The following ATXN2 variants were observed in gnomAD, a reference collection of about 807,000 sequenced individuals.
ATXN2 encodes the protein ataxin 2, also known as ataxin-2.
A neutral mutation model predicts 138.6 loss-of-function variants in ATXN2; 37 were observed. The observed-to-expected ratio is 0.27, with a 90% CI of 0.21 to 0.35. The LOEUF (loss-of-function observed/expected upper bound fraction) is 0.35. ATXN2 is among the 10% of genes least tolerant of loss of function. The probability of loss-of-function intolerance (pLI) is 1.00; values close to 1 mark genes in which losing one functional copy is unlikely to be tolerated. For missense variants in ATXN2, 1,216 were observed against 1,480.3 expected (o/e 0.82, Z 2.93); for synonymous variants, 549 against 543.7 (o/e 1.01, Z -0.13).
Position 111,599,029 on chromosome 12 carries a change from C to T in ATXN2, c.6G>A (p.Ser2=). Residue 2 remains serine (S), a synonymous_variant, in exon 1 of 25, where the codon TCG becomes TCA. Transcript: ENST00000673436. Reference sequence around the variant, plus strand: ...GCTGCTGCTGCTGCTGGGGCTTCAGCGACATGGTGAGGGGCCCATACACCG... The same window carrying T: ...GCTGCTGCTGCTGCTGGGGCTTCAGTGACATGGTGAGGGGCCCATACACCG... M[S]LKPQQQQQQQ... is the part of the protein sequence containing the mutation. 4.7e-6 allele frequency: 7 copies of T among 1,501,950 alleles called. No homozygotes were observed. The Admixed American group carries it at 8.4e-5, about 18-fold the overall frequency. The allele number at this position is 1,501,950 out of a possible 1,614,324, so 93.0% of individuals were successfully genotyped here.
intron 5 of ATXN2, among the ~76,000 whole-genome samples, chr12:111,537,351 G>A (rs1420908674): frequency 9.2e-5 from 14 of 152,126 alleles, no homozygotes; most frequent in Admixed American, 2.6e-4. Context: ...TTGGGAGTCC[G>A]AGGTGGGCAG....
Position 111,547,581 on chromosome 12 carries a change from C to T in ATXN2, c.571+4699G>A, listed in dbSNP as rs148669254. ...TCTCTACTAAAAATACAAAGTTAGCCGGGCATGGTGGCACATGCCTGTAAT... is the reference window on the plus strand; with the variant it reads ...TCTCTACTAAAAATACAAAGTTAGCTGGGCATGGTGGCACATGCCTGTAAT... On this transcript the variant is annotated intron_variant, in intron 5 of 24. Coordinates refer to ENST00000673436, the MANE Select transcript of ATXN2 (RefSeq NM_001372574.1). 4.7e-3 allele frequency among the ~76,000 whole-genome samples: 699 copies of T among 149,480 alleles called. 3 individuals carry two copies. Among genetic ancestry groups the T allele is most frequent in the African/African-American group, 0.016 (631 of 40,566 alleles).
At chr12:111,527,029 T>C (rs1003339430) in intron 5 of ATXN2, among the ~76,000 whole-genome samples, 1 of 152,200 alleles carries the variant, frequency 6.6e-6, no homozygotes, top group African/African-American at 2.4e-5. Context: ...TCTACTAATG[T>C]TATTGAAGAG....
chr12:111,456,079 G>A lies in ATXN2; in HGVS notation c.3220C>T (p.His1074Tyr), dbSNP rs1368673921. Residue 1074 changes from histidine to tyrosine, a missense_variant, in exon 23 of 25, where the codon CAC (histidine) becomes TAC (tyrosine). By Grantham distance (83) the His-to-Tyr change is moderately conservative (BLOSUM62 2). This residue lies in a region of ATXN2 where 490 missense variants were observed against 653.5 expected (regional missense o/e 0.75). Coordinates refer to ENST00000673436, the MANE Select transcript of ATXN2 (RefSeq NM_001372574.1). ...GGGTTGGTATACGCCGGCTGAACGTGAGAAGGATGGATCGTAAAGACAGTC... is the reference window on the plus strand; with the variant it reads ...GGGTTGGTATACGCCGGCTGAACGTAAGAAGGATGGATCGTAAAGACAGTC... ...QQTVFTIHPS[H>Y]VQPAYTNPPH... The A allele has an allele frequency of 6.2e-7, 1 of 1,614,224 alleles. No homozygotes were observed. The highest frequency in any genetic ancestry group is 1.7e-5 in the Admixed American group (1 of 60,030).
intron 1 of ATXN2, among the ~76,000 whole-genome samples, chr12:111,577,581 C>T (rs1482161353): frequency 6.6e-6 from 1 of 151,588 alleles, no homozygotes; most frequent in Non-Finnish European, 1.5e-5. Context: ...TTTCAATTAA[C>T]AACAGACCTA....
At chr12:111,507,591 C>A (rs1879236738) in intron 14 of ATXN2, among the ~76,000 whole-genome samples, 1 of 151,962 alleles carries the variant, frequency 6.6e-6, no homozygotes, top group Non-Finnish European at 1.5e-5. Context: ...TGGGGGGCAC[C>A]TCTGCCCGGC....
At chr12:111,576,118 A>AACATAACATAACATT in intron 1 of ATXN2, among the ~76,000 whole-genome samples, 1 of 138,726 alleles carries the variant, frequency 7.2e-6, no homozygotes, top group East Asian at 2.2e-4. Flanking sequence ...AACATAACAT[A>AACATAACATAACATT]ACATAACATA....
At chr12:111,479,017 T>A (rs1353941431) in intron 18 of ATXN2, 4 of 313,254 alleles carry the variant, frequency 1.3e-5, no homozygotes, top group African/African-American at 2.2e-5. Context: ...TCAAAAAAAA[T>A]AAATAAATAA....
In ATXN2 at chr12:111,485,695, T is replaced by A; in HGVS notation, c.2457+18A>T. On this transcript the variant is annotated intron_variant, in intron 17 of 24. Transcript: ENST00000673436. ...AACAATTGGGGAGGCTAAGTGAACATCAAATTCTATGACTTACTTGCACGC... is the reference window on the plus strand; with the variant it reads ...AACAATTGGGGAGGCTAAGTGAACAACAAATTCTATGACTTACTTGCACGC... 6.2e-7 allele frequency: 1 copy of A among 1,613,084 alleles called. No homozygotes were observed. The highest frequency in any genetic ancestry group is 8.5e-7 in the Non-Finnish European group (1 of 1,179,304).
At chr12:111,554,295 G>T (rs1475378009) in intron 2 of ATXN2, 78 bp from the exon 3 acceptor site, 2 of 1,060,458 alleles carry the variant, frequency 1.9e-6, no homozygotes, top group Non-Finnish European at 2.6e-6. Context: ...CTTGGGACCA[G>T]AAGTATTTTA....
At chr12:111,558,776 G>A (rs1435675522) in intron 1 of ATXN2, among the ~76,000 whole-genome samples, 2 of 152,058 alleles carry the variant, frequency 1.3e-5, no homozygotes, top group East Asian at 1.9e-4. Flanking sequence ...CAGCATTGGT[G>A]ACAGAGCAAA....
chr12:111,504,387 A>T (rs1219863431), intron 14 of ATXN2, among the ~76,000 whole-genome samples: 1 of 152,166 alleles, frequency 6.6e-6, no homozygotes, highest in Non-Finnish European at 1.5e-5. Context: ...CCTGGGTTCA[A>T]GCGAATCTCC....
chr12:111,502,476 C>G (rs1188902445), intron 14 of ATXN2, among the ~76,000 whole-genome samples: 2 of 151,912 alleles, frequency 1.3e-5, no homozygotes, highest in South Asian at 4.1e-4. Flanking sequence ...ATTGCCCAGG[C>G]TGGAGTGCAG....
chr12:111,507,192 C>T (rs1206375689), intron 14 of ATXN2, among the ~76,000 whole-genome samples: 6 of 151,572 alleles, frequency 4.0e-5, no homozygotes, highest in East Asian at 2.0e-4. Context: ...CACCTCTTCC[C>T]GGCCGCCATC....
intron 14 of ATXN2, among the ~76,000 whole-genome samples, chr12:111,490,738 T>A (rs570465981): frequency 2.0e-5 from 3 of 152,108 alleles, no homozygotes; most frequent in Non-Finnish European, 4.4e-5. Flanking sequence ...AGTCTTGAAC[T>A]GCCCCTCCAA....
At chr12:111,510,285 C>G in intron 12 of ATXN2, 100 bp downstream of exon 12, 6 of 1,296,394 alleles carry the variant, frequency 4.6e-6, no homozygotes, top group Non-Finnish European at 6.4e-6. Context: ...AAATACTTGT[C>G]TATGAATAAA....
At chr12:111,553,572 C>CAAAAAAA (rs757837884) in intron 3 of ATXN2, among the ~76,000 whole-genome samples, 1 of 48,916 alleles carries the variant, frequency 2.0e-5, no homozygotes, top group Non-Finnish European at 3.5e-5. Flanking sequence ...TCTTTTTTCT[C>CAAAAAAA]AAAAAAAAAA....
At position 111,552,370 on chromosome 12, in the gene ATXN2, G is replaced by A. The variant is rs751089123; in HGVS notation, c.481C>T (p.Arg161Cys). ...KSTESSSGPK[R>C]EEIMESILFK... ...AAAATACTCTCCATTATTTCTTCAC[G>A]TTTCGGCCCCGAACTGGATTCTGTA... The change falls in exon 5 of 25, where the codon CGT (arginine) becomes TGT (cysteine). Residue 161 changes from arginine (R) to cysteine (C), a missense_variant. By Grantham distance (180) the Arg-to-Cys change is radical. Around this residue, in one of 4 missense-constraint regions of ATXN2, gnomAD observed 401 missense variants for 528.1 expected, o/e 0.76. Coordinates refer to ENST00000673436, the MANE Select transcript of ATXN2 (RefSeq NM_001372574.1). The surrounding 1 kb of genome is among the most constrained non-coding windows in gnomAD (Gnocchi z 4.1). The A allele has an allele frequency of 6.8e-6, 11 of 1,613,660 alleles. No individual in the cohort carries two copies. Among genetic ancestry groups the A allele is most frequent in the Non-Finnish European group, 9.3e-6 (11 of 1,179,838 alleles).
chr12:111,473,562 C>T (rs1204371289), intron 18 of ATXN2, among the ~76,000 whole-genome samples: 1 of 152,076 alleles, frequency 6.6e-6, no homozygotes, highest in African/African-American at 2.4e-5. Flanking sequence ...CATTTTACAA[C>T]CCCTAAGGAA....
Sources: gnomAD v4.1 joint callset for allele counts (sites outside exome capture counted in the v4.1 genomes callset) on GRCh38, gnomAD v4.1.1 for gene constraint, gnomAD v4.1.1 regional missense constraint, Gnocchi (gnomAD v3.1) non-coding constraint, MANE v1.5 for transcripts, NCBI Gene and HGNC (gene_info 2026-07-23, HGNC 2026-07-21) for gene names.